The following PAH variants were observed in gnomAD, a reference collection of about 807,000 sequenced individuals.
PAH encodes the protein phenylalanine hydroxylase.
Under a neutral mutation model 62.0 loss-of-function variants are expected in PAH, and 64 were observed. The ratio of observed to expected loss-of-function variants is 1.03; its 90% CI spans 0.84 to 1.27. The LOEUF (loss-of-function observed/expected upper bound fraction) is 1.27. Ranked by LOEUF, PAH falls within the 50% of genes most tolerant of loss-of-function variation. The pLI, the probability that PAH is intolerant of heterozygous loss-of-function variation, is 0.00. For missense variants in PAH, 579 were observed against 542.8 expected (o/e 1.07, Z -0.66); for synonymous variants, 195 against 196.2 (o/e 0.99, Z 0.05).
chr12:102,941,272 A>G (rs1032448314), intron 1 of PAH, among the ~76,000 whole-genome samples: 2 of 152,178 alleles, frequency 1.3e-5, no homozygotes. Flanking sequence ...ACAACCAGCT[A>G]ATAACACAAT....
At chr12:102,877,612 CT>C in intron 3 of PAH, 62 bp from the exon 4 acceptor site, 1 of 1,272,368 alleles carries the variant, frequency 7.9e-7, no homozygotes. Flanking sequence ...AAAGGCCTTG[CT>C]GAGATCAGAA....
chr12:102,913,762 T>TA, intron 1 of PAH: 1 of 697,344 alleles, frequency 1.4e-6, no homozygotes. Flanking sequence ...AACTTAGTCT[T>TA]AAACTAAATC....
At chr12:102,847,750 G>A (rs1321110907) in intron 8 of PAH, among the ~76,000 whole-genome samples, 3 of 152,168 alleles carry the variant, frequency 2.0e-5, no homozygotes, top group Non-Finnish European at 2.9e-5. Flanking sequence ...TTTTAAATAG[G>A]GTTCCAGGGT....
upstream of PAH, among the ~76,000 whole-genome samples, chr12:102,918,560 GTTTTTTTTTGT>G (rs1187849519): frequency 2.9e-5 from 3 of 102,274 alleles, no homozygotes; most frequent in African/African-American, 1.3e-4. Flanking sequence ...CCATGCCTCA[GTTTTTTTTTGT>G]TTTTTTTTTT....
At chr12:102,847,090 G>A (rs1874885930) in intron 8 of PAH, 139 bp from the exon 9 acceptor site, 1 of 718,670 alleles carries the variant, frequency 1.4e-6, no homozygotes, top group East Asian at 2.6e-5. Flanking sequence ...GTGTTATCAA[G>A]TCTTTCCTGC....
rs535752872 is a variant in PAH, at chr12:102,844,421, A to T, written c.980T>A (p.Phe327Tyr). Residue 327 changes from phenylalanine to tyrosine, a missense_variant, in exon 10 of 13, where the codon TTT (phenylalanine) becomes TAT (tyrosine). Transcript: ENST00000553106. ...TTTGCAGAGCCCAAACTCCACAGTA[A>T]ACCAGTAAATCTGGAATGGAAAGTC... ...YIEKLATIYWFTVEFGLCKQG... is the reference protein window; with the variant it reads ...YIEKLATIYWYTVEFGLCKQG... 3 of 1,612,000 alleles carry T rather than the reference A, an allele frequency of 1.9e-6. No individual in the cohort carries two copies. The highest frequency in any genetic ancestry group is 2.2e-5 in the South Asian group (2 of 90,998).
chr12:102,844,834 T>A (rs1012964255), intron 9 of PAH, among the ~76,000 whole-genome samples: 1 of 152,196 alleles, frequency 6.6e-6, no homozygotes, highest in African/African-American at 2.4e-5. Context: ...CTGAGAGCTA[T>A]ACCATCAACT....
chr12:102,892,633 A>T lies in PAH; in HGVS notation c.352+2102T>A, dbSNP rs186459848. ...AAAAAGAAATGAGCTATCAAGTCAC[A>T]GAAAGACATGGAGGATTTGTAAATA... On this transcript the variant is annotated intron_variant, in intron 3 of 12. Transcript: ENST00000553106. 3.7e-4 allele frequency among the ~76,000 whole-genome samples: 57 copies of T among 152,382 alleles called. 1 individual carries two copies. The highest frequency in any genetic ancestry group is 1.3e-3 in the African/African-American group (55 of 41,602).
rs561378119 is a variant in PAH, at chr12:102,873,741, T to A, written c.441+3721A>T. On this transcript the variant is annotated intron_variant, in intron 4 of 12. Coordinates refer to ENST00000553106, the MANE Select transcript of PAH (RefSeq NM_000277.3). ...TGGAAAACTACCACTCACGATAAGA[T>A]AATGTTGCTAGGTATTTCATTAAAA... Among the ~76,000 whole-genome samples, 3 of 152,312 alleles carry A rather than the reference T, an allele frequency of 2.0e-5. No individual in the cohort carries two copies. In the South Asian group the frequency reaches 6.2e-4, roughly 32 times the overall value.
chr12:102,908,050 AC>A (rs1290260555), intron 2 of PAH, among the ~76,000 whole-genome samples: 3 of 151,978 alleles, frequency 2.0e-5, no homozygotes, highest in African/African-American at 7.3e-5. Context: ...CTCACTAACA[AC>A]CCTTCTTCAA....
intron 4 of PAH, among the ~76,000 whole-genome samples, chr12:102,867,873 A>G (rs563904487): frequency 7.7e-6 from 1 of 130,168 alleles, no homozygotes; most frequent in Non-Finnish European, 1.7e-5. Flanking sequence ...ATATAGATGT[A>G]TATATACATG....
chr12:102,868,829 A>T (rs547725572), intron 4 of PAH, among the ~76,000 whole-genome samples: 2 of 152,216 alleles, frequency 1.3e-5, no homozygotes, highest in Non-Finnish European at 2.9e-5. Flanking sequence ...TTAAGGTTTG[A>T]TTGTTACAGT....
intron 4 of PAH, among the ~76,000 whole-genome samples, chr12:102,875,926 C>CATAT (rs36134134): frequency 2.4e-4 from 30 of 126,924 alleles, no homozygotes; most frequent in African/African-American, 6.1e-4. Flanking sequence ...ATATATACAC[C>CATAT]ATATATATAT....
intron 2 of PAH, 66 bp from the exon 3 acceptor site, chr12:102,894,984 A>C (rs756424425): frequency 6.0e-6 from 7 of 1,172,644 alleles, no homozygotes; most frequent in Non-Finnish European, 8.9e-6. Flanking sequence ...AAGATGCAGA[A>C]CCAGAACAGG....
rs980803794 is a variant in PAH at position 102,957,343 on chromosome 12, C to G, written c.-96+852G>C. 6.6e-6 allele frequency among the ~76,000 whole-genome samples: 1 copy of G among 152,162 alleles called. No individual in the cohort carries two copies. The highest frequency in any genetic ancestry group is 1.5e-5 in the Non-Finnish European group (1 of 68,024). ...GTCCCTCCTGTGACGCCCCCCACCC[C>G]CTTCCTAAAGCCACCCCCGGCAGCA... On this transcript the variant is annotated intron_variant, in intron 1 of 4. Transcript: ENST00000551337. This position sits in a 1 kb window ranked among gnomAD's most constrained non-coding sequence, Gnocchi z 4.1.
At chr12:102,940,715 C>T (rs2136761574) in intron 1 of PAH, among the ~76,000 whole-genome samples, 1 of 152,258 alleles carries the variant, frequency 6.6e-6, no homozygotes, top group Middle Eastern at 3.4e-3. Context: ...CCCTGAAAGA[C>T]AGGAAGAGAG....
Position 102,851,738 on chromosome 12 carries a change from C to T in PAH, c.861G>A (p.Leu287=), listed in dbSNP as rs754686336. The T allele has an allele frequency of 1.7e-5, 27 of 1,613,974 alleles. No individual in the cohort carries two copies. The highest frequency in any genetic ancestry group is 3.3e-4 in the Middle Eastern group (2 of 6,084). The part of the protein sequence containing the change: ...YTPEPDICHE[L]LGHVPLFSDR... ...CTGAAAACAAGGGCACATGTCCCAA[C>T]AGCTCATGGCAGATGTCACTGAAAG... The change falls in exon 8 of 13, where the codon CTG becomes CTA. Residue 287 remains leucine (L), a synonymous_variant. Transcript: ENST00000553106.
chr12:102,925,522 T>G (rs1232476307), intron 1 of PAH, among the ~76,000 whole-genome samples: 2 of 152,104 alleles, frequency 1.3e-5, no homozygotes, highest in East Asian at 3.9e-4. Flanking sequence ...GAGACACGGA[T>G]TGATATTTAA....
At chr12:102,927,913 T>C (rs1321893545) in intron 1 of PAH, among the ~76,000 whole-genome samples, 1 of 152,192 alleles carries the variant, frequency 6.6e-6, no homozygotes, top group African/African-American at 2.4e-5. Context: ...CCCACTTACA[T>C]GTATGTAAGG....
Sources: allele counts gnomAD v4.1 joint callset (sites outside exome capture counted in the v4.1 genomes callset), GRCh38; gene constraint gnomAD v4.1.1; non-coding constraint Gnocchi (gnomAD v3.1); transcripts MANE v1.5; gene names NCBI Gene and HGNC (gene_info 2026-07-23, HGNC 2026-07-21).